Variants in CEP57L1 observed in about 807,000 individuals in gnomAD.
CEP57L1 encodes centrosomal protein CEP57L1.
A neutral mutation model predicts 61.0 loss-of-function variants in CEP57L1; 37 were observed. The observed-to-expected ratio is 0.61, with a 90% CI of 0.47 to 0.80. The LOEUF (loss-of-function observed/expected upper bound fraction) is 0.80, where lower values mean the gene tolerates loss of function less well. Ranked by LOEUF, CEP57L1 falls within the 30% of genes least tolerant of loss-of-function variation. The pLI, the probability that CEP57L1 is intolerant of heterozygous loss-of-function variation, is 0.00. For synonymous variants in CEP57L1, 137 were observed against 162.3 expected, an observed-to-expected ratio of 0.84 and a Z score of 1.19; for missense variants, 422 against 524.7, an observed-to-expected ratio of 0.80 and a Z score of 1.91.
rs114982989 is a variant in CEP57L1 at position 109,159,127 on chromosome 6, G to C, written c.822+25G>C. 2,256 of 1,613,908 alleles carry C rather than the reference G, an allele frequency of 1.4e-3. 33 individuals carry two copies. The African/African-American group carries it at 0.026, about 19-fold the overall frequency. On this transcript the variant is annotated intron_variant, in intron 8 of 10. Coordinates refer to ENST00000517392, the MANE Select transcript of CEP57L1 (RefSeq NM_001271852.3). ...GGTGAGAGGGGATAAAATGAAGATAGTCGTTCAAAAAAACTCCTGTTTTGT... is the reference window on the plus strand; with the variant it reads ...GGTGAGAGGGGATAAAATGAAGATACTCGTTCAAAAAAACTCCTGTTTTGT...
chr6:109,095,407 G>T (rs553701040), upstream of CEP57L1: 1 of 985,900 alleles, frequency 1.0e-6, no homozygotes, highest in Admixed American at 6.1e-5. Flanking sequence ...CCAGATTTAA[G>T]TCGGTAGGAC....
At chr6:109,120,905 GAC>G (rs1476159126) in intron 1 of CEP57L1, among the ~76,000 whole-genome samples, 8 of 128,298 alleles carry the variant, frequency 6.2e-5, no homozygotes, top group Non-Finnish European at 8.0e-5. Context: ...CCTATACTTA[GAC>G]ACACGCACAC....
intron 7 of CEP57L1, chr6:109,157,748 A>G (rs1253429485): frequency 1.3e-5 from 2 of 152,174 alleles, no homozygotes; most frequent in African/African-American, 4.8e-5. Context: ...TTTATTCTAT[A>G]AACAGGAACT....
intron 1 of CEP57L1, among the ~76,000 whole-genome samples, chr6:109,102,466 C>T (rs1344910681): frequency 1.3e-5 from 2 of 152,158 alleles, no homozygotes; most frequent in African/African-American, 4.8e-5. Context: ...TCTGTTCATT[C>T]TTTAATAGTG....
At position 109,155,242 on chromosome 6, in the gene CEP57L1, C is replaced by T. The variant is rs764637471; in HGVS notation, c.592C>T (p.His198Tyr). The change falls in exon 6 of 11, where the codon CAT (histidine) becomes TAT (tyrosine). Residue 198 changes from histidine to tyrosine, a missense_variant. By Grantham distance (83) the His-to-Tyr change is moderately conservative. Transcript: ENST00000517392. ...TACTCTTTTGCAGGACAAGATTAAA[C>T]ATTTAGAAGAAAAACTTAAGGAAGA... ...TQKTAEDKIK[H>Y]LEEKLKEEEH... 1.9e-6 allele frequency: 3 copies of T among 1,580,644 alleles called. No individual in the cohort carries two copies. The highest frequency in any genetic ancestry group is 1.8e-5 in the Admixed American group (1 of 55,754).
intron 1 of CEP57L1, among the ~76,000 whole-genome samples, chr6:109,136,700 T>TTTTTATTTTA (rs557844549): frequency 0.054 from 6,273 of 115,500 alleles, 240 homozygotes; most frequent in African/African-American, 0.075. Context: ...GAAACTTGTA[T>TTTTTATTTTA]TTTTATTTTA....
chr6:109,132,424 A>G (rs1774295991), intron 1 of CEP57L1, among the ~76,000 whole-genome samples: 1 of 152,196 alleles, frequency 6.6e-6, no homozygotes. Context: ...TCTAAGATTC[A>G]TCCTTATTGA....
chr6:109,162,256 T>A (rs1350397753), intron 10 of CEP57L1, among the ~76,000 whole-genome samples: 1 of 152,110 alleles, frequency 6.6e-6, no homozygotes, highest in Non-Finnish European at 1.5e-5. Context: ...TGTGTGTGTA[T>A]AACTTTCAAA....
At chr6:109,105,336 G>A (rs948217516) in intron 1 of CEP57L1, among the ~76,000 whole-genome samples, 2 of 152,098 alleles carry the variant, frequency 1.3e-5, no homozygotes, top group Non-Finnish European at 1.5e-5. Flanking sequence ...AGTCTAGCTA[G>A]AATTTATTTT....
chr6:109,138,474 A>G (rs985264595), intron 1 of CEP57L1, among the ~76,000 whole-genome samples: 1 of 152,184 alleles, frequency 6.6e-6, no homozygotes, highest in African/African-American at 2.4e-5. Context: ...TAAAGTGATG[A>G]CATTTATAAT....
Position 109,166,431 on chromosome 6 carries a change from T to A in CEP57L1, c.*3461T>A, listed in dbSNP as rs1179220432. Among the ~76,000 whole-genome samples, 2 of 151,274 alleles carry A rather than the reference T, an allele frequency of 1.3e-5. No homozygotes were observed. Among genetic ancestry groups the A allele is most frequent in the Non-Finnish European group, 2.9e-5 (2 of 67,856 alleles). On this transcript the variant is annotated 3_prime_UTR_variant, in exon 11 of 11. Transcript: ENST00000517392. ...TGGAGTCTCGCTGTGTCACCCAGGC[T>A]AGAGTGCAGTGGCACGATCTCAGCT...
chr6:109,159,240 T>C, intron 8 of CEP57L1, 29 bp from the exon 9 acceptor site: 9 of 1,614,128 alleles, frequency 5.6e-6, no homozygotes, highest in Non-Finnish European at 6.8e-6. Context: ...AGCTGTTCTG[T>C]GAATGCAAGT....
chr6:109,148,916 T>A (rs927950685), intron 3 of CEP57L1, among the ~76,000 whole-genome samples: 76 of 152,356 alleles, frequency 5.0e-4, no homozygotes, highest in African/African-American at 1.8e-3. Flanking sequence ...ATAAATGTCT[T>A]CTTTTGAGAA....
At chr6:109,135,834 T>A (rs1162992950) in intron 1 of CEP57L1, among the ~76,000 whole-genome samples, 11 of 152,108 alleles carry the variant, frequency 7.2e-5, no homozygotes, top group Non-Finnish European at 1.3e-4. Flanking sequence ...TCACTGGCCA[T>A]CAGAGAAATG....
chr6:109,126,689 G>A (rs963547715), intron 1 of CEP57L1, among the ~76,000 whole-genome samples: 2 of 152,092 alleles, frequency 1.3e-5, no homozygotes, highest in African/African-American at 4.8e-5. Context: ...TCAATAAGGA[G>A]AAATCTAATT....
intron 1 of CEP57L1, among the ~76,000 whole-genome samples, chr6:109,141,439 T>G (rs2114836921): frequency 6.6e-6 from 1 of 152,170 alleles, no homozygotes; most frequent in East Asian, 1.9e-4. Flanking sequence ...GGTCTCGAAC[T>G]CCTGACCTCA....
At chr6:109,110,858 G>A (rs2114627334) in intron 1 of CEP57L1, among the ~76,000 whole-genome samples, 1 of 152,226 alleles carries the variant, frequency 6.6e-6, no homozygotes, top group East Asian at 1.9e-4. Flanking sequence ...TTATTTCTGA[G>A]GCCTCTGTTC....
chr6:109,119,724 G>A (rs1340505915), intron 1 of CEP57L1, among the ~76,000 whole-genome samples: 1 of 152,172 alleles, frequency 6.6e-6, no homozygotes, highest in Non-Finnish European at 1.5e-5. Context: ...GGCTGGGCCT[G>A]GAGAAGGCAT....
intron 3 of CEP57L1, among the ~76,000 whole-genome samples, 188 bp from the exon 4 acceptor site, chr6:109,149,930 T>G (rs1359911079): frequency 6.6e-6 from 1 of 152,156 alleles, no homozygotes; most frequent in African/African-American, 2.4e-5. Context: ...TGTCTGTTAT[T>G]GGTGTATAAG....
Sources: gnomAD v4.1 joint callset for allele counts (sites outside exome capture counted in the v4.1 genomes callset) on GRCh38, gnomAD v4.1.1 for gene constraint, MANE v1.5 for transcripts, NCBI Gene and HGNC (gene_info 2026-07-23, HGNC 2026-07-21) for gene names.